Variants in RAB6A observed in about 807,000 individuals in gnomAD.
RAB6A encodes the protein ras-related protein Rab-6A.
In RAB6A, 8 loss-of-function variants were observed where a neutral mutation model predicts 32.3. The ratio of observed to expected loss-of-function variants is 0.25; its 90% CI spans 0.15 to 0.45. The LOEUF (loss-of-function observed/expected upper bound fraction) is 0.45. RAB6A is among the 20% of genes least tolerant of loss of function. The pLI is 1.00. For missense variants in RAB6A, 104 were observed against 249.4 expected (o/e 0.42, Z 3.93); for synonymous variants, 73 against 82.1 (o/e 0.89, Z 0.60).
intron 6 of RAB6A, among the ~76,000 whole-genome samples, chr11:73,682,392 G>A (rs1320466291): frequency 1.3e-5 from 2 of 152,182 alleles, no homozygotes; most frequent in Non-Finnish European, 2.9e-5. Context: ...GGCCGAGCAT[G>A]GTGGCTCACG....
chr11:73,760,292 T>G (rs1590903336), intron 1 of RAB6A, among the ~76,000 whole-genome samples: 9 of 135,550 alleles, frequency 6.6e-5, no homozygotes, highest in South Asian at 2.5e-4. Flanking sequence ...CTGGGCGGGG[T>G]GAGGTCTGGG....
At chr11:73,685,703 A>AC (rs1312660387) in intron 6 of RAB6A, among the ~76,000 whole-genome samples, 1 of 140,966 alleles carries the variant, frequency 7.1e-6, no homozygotes, top group Non-Finnish European at 1.5e-5. Flanking sequence ...ACATGGTGAA[A>AC]CCCCATCTCT....
chr11:73,691,348 A>AT (rs1360685750), intron 6 of RAB6A, among the ~76,000 whole-genome samples: 5 of 151,908 alleles, frequency 3.3e-5, no homozygotes, highest in African/African-American at 1.2e-4. Context: ...CTAATTCTTT[A>AT]TTTTTTGTAG....
intron 6 of RAB6A, among the ~76,000 whole-genome samples, chr11:73,703,124 A>G (rs1003823993): frequency 2.0e-5 from 3 of 151,720 alleles, no homozygotes; most frequent in Admixed American, 2.0e-4. Flanking sequence ...GCCTGGCCTA[A>G]TTAAAAAAAA....
intron 6 of RAB6A, among the ~76,000 whole-genome samples, chr11:73,701,733 T>C (rs1024594565): frequency 1.3e-5 from 2 of 151,556 alleles, no homozygotes; most frequent in South Asian, 4.2e-4. Context: ...AGCTCACTGC[T>C]GCCTCGACCC....
intron 6 of RAB6A, among the ~76,000 whole-genome samples, chr11:73,698,145 C>T (rs1254526128): frequency 2.0e-5 from 3 of 152,090 alleles, no homozygotes; most frequent in East Asian, 1.9e-4. Flanking sequence ...CACTTGAACC[C>T]TGGAGGCAGA....
chr11:73,707,029 A>T (rs1029798758), intron 6 of RAB6A, among the ~76,000 whole-genome samples: 4 of 151,358 alleles, frequency 2.6e-5, no homozygotes, highest in Non-Finnish European at 5.9e-5. Flanking sequence ...GAGGCAGGAG[A>T]GCTGCTTGAA....
intron 3 of RAB6A, among the ~76,000 whole-genome samples, chr11:73,720,180 CTTTTTTT>C (rs10688172): frequency 7.7e-6 from 1 of 130,702 alleles, no homozygotes; most frequent in African/African-American, 2.8e-5. Context: ...ATACACATTA[CTTTTTTT>C]TTTTTTTTTT....
chr11:73,705,857 T>C (rs1945832892), intron 6 of RAB6A, among the ~76,000 whole-genome samples: 1 of 151,260 alleles, frequency 6.6e-6, no homozygotes, highest in African/African-American at 2.4e-5. Context: ...ATCAGGTCGG[T>C]GAAAACACAT....
In RAB6A at chr11:73,722,367, T is replaced by TTTTTTG. The variant is rs1393411671; in HGVS notation, c.130-1469_130-1468insCAAAAA. On this transcript the variant is annotated intron_variant, in intron 2 of 7. Transcript: ENST00000336083. ...TATTTTTTTTTTTTTTTTTTTTTTT[T>TTTTTTG]GAGACAGTCTCACACTCTTGCCCAA... 3.4e-4 allele frequency: 28 copies of TTTTTTG among 81,802 alleles called. 5 individuals carry two copies. The highest frequency in any genetic ancestry group is 9.6e-4 in the East Asian group (3 of 3,134). The allele number at this position is 81,802 out of a possible 1,614,324, so 5.1% of individuals were successfully genotyped here.
chr11:73,718,475 A>T (rs1946085512), intron 4 of RAB6A, 138 bp downstream of exon 4: 2 of 721,596 alleles, frequency 2.8e-6, no homozygotes, highest in Admixed American at 6.2e-5. Flanking sequence ...AATATTTCTG[A>T]CCTGGCTGGT....
At chr11:73,756,411 A>G (rs773519520) in intron 1 of RAB6A, among the ~76,000 whole-genome samples, 1 of 152,166 alleles carries the variant, frequency 6.6e-6, no homozygotes, top group Admixed American at 6.5e-5. Context: ...TTTTTTCCTT[A>G]TCTAACATAT....
chr11:73,683,679 A>G (rs1407272655), intron 6 of RAB6A, among the ~76,000 whole-genome samples: 4 of 151,960 alleles, frequency 2.6e-5, no homozygotes, highest in Non-Finnish European at 4.4e-5. Context: ...TATCCTTCCA[A>G]GTAGCTGGTA....
In RAB6A at chr11:73,731,713, TATATATATATATATATATACAC is replaced by T. The variant is rs1387967840; in HGVS notation, c.71-912_71-891del. Among the ~76,000 whole-genome samples, 73 of 18,360 alleles carry T rather than the reference TATATATATATATATATATACAC, an allele frequency of 4.0e-3. 1 individual carries two copies. Among genetic ancestry groups the T allele is most frequent in the Admixed American group, 6.4e-3 (8 of 1,258 alleles). The allele number at this position is 18,360 out of a possible 152,430, so 12.0% of individuals were successfully genotyped here. On this transcript the variant is annotated intron_variant, in intron 1 of 7. Transcript: ENST00000336083. ...ATATATATATATATATATATATATA[TATATATATATATATATATACAC>T]ACACACACACATATTTTCTTTTTTT...
At chr11:73,715,761 A>G (rs1233245389) in intron 5 of RAB6A, among the ~76,000 whole-genome samples, 1 of 152,222 alleles carries the variant, frequency 6.6e-6, no homozygotes, top group Non-Finnish European at 1.5e-5. Context: ...ATCACAATCA[A>G]GCTATTCAGT....
At chr11:73,708,011 A>G (rs1216021449) in intron 5 of RAB6A, among the ~76,000 whole-genome samples, 1 of 152,222 alleles carries the variant, frequency 6.6e-6, no homozygotes, top group Non-Finnish European at 1.5e-5. Flanking sequence ...TTTTATGGCT[A>G]AACAATTTCT....
chr11:73,687,073 C>T (rs761045709), intron 6 of RAB6A, among the ~76,000 whole-genome samples: 3 of 152,016 alleles, frequency 2.0e-5, no homozygotes, highest in African/African-American at 7.2e-5. Flanking sequence ...CTGACACCTA[C>T]TACAATATGG....
In RAB6A at chr11:73,689,826, G is replaced by A. The variant is rs113887384; in HGVS notation, c.496-10106C>T. On this transcript the variant is annotated intron_variant, in intron 6 of 7. Coordinates refer to ENST00000336083, the MANE Select transcript of RAB6A (RefSeq NM_198896.2). ...TTCTCAGAATCTCGACTGTGCCTCT[G>A]TGGAGGTTGCAGTGAGTGGACATTG... Among the ~76,000 whole-genome samples, 801 of 150,130 alleles carry A rather than the reference G, an allele frequency of 5.3e-3. 8 individuals carry two copies. Among genetic ancestry groups the A allele is most frequent in the African/African-American group, 0.018 (754 of 40,804 alleles).
In RAB6A at chr11:73,714,163, G is replaced by T. The variant is rs1429285935; in HGVS notation, c.401+2088C>A. ...GCCAAGATTGTGCCATTGTACTCCA[G>T]CCTAAGCAACAAGAGCAGAACTCCA... On this transcript the variant is annotated intron_variant, in intron 5 of 7. Coordinates refer to ENST00000336083, the MANE Select transcript of RAB6A (RefSeq NM_198896.2). Among the ~76,000 whole-genome samples, 5 of 117,794 alleles carry T rather than the reference G, an allele frequency of 4.2e-5. No individual in the cohort carries two copies. In the Admixed American group the frequency reaches 5.5e-4, roughly 13 times the overall value. 77.3% of individuals were successfully genotyped at this position (117,794 alleles called of 152,430 possible). A position where few individuals can be genotyped will look rare whatever the true frequency, so the allele number is the denominator to read the frequency against.
Sources: gnomAD v4.1 joint callset for allele counts (sites outside exome capture counted in the v4.1 genomes callset) on GRCh38, gnomAD v4.1.1 for gene constraint, MANE v1.5 for transcripts, NCBI Gene and HGNC (gene_info 2026-07-23, HGNC 2026-07-21) for gene names.